Variants in TMEM132D observed in about 807,000 individuals in gnomAD.
TMEM132D encodes the protein mature OL transmembrane protein.
A neutral mutation model predicts 62.3 loss-of-function variants in TMEM132D; 21 were observed. That is an observed-to-expected ratio of 0.34 (90% CI 0.24 to 0.49). The LOEUF is 0.49. TMEM132D is among the 20% of genes least tolerant of loss of function. The pLI, the probability that TMEM132D is intolerant of heterozygous loss-of-function variation, is 0.99. For synonymous variants in TMEM132D, 621 were observed against 575.6 expected, an observed-to-expected ratio of 1.08 and a Z score of -1.13; for missense variants, 1,346 against 1,402.8, an observed-to-expected ratio of 0.96 and a Z score of 0.65.
At chr12:129,698,902 A>C (rs1881300647) in intron 2 of TMEM132D, among the ~76,000 whole-genome samples, 1 of 152,102 alleles carries the variant, frequency 6.6e-6, no homozygotes, top group African/African-American at 2.4e-5. Flanking sequence ...TGAAGTTTAT[A>C]AGCCCACATA....
At chr12:129,671,971 G>A (rs971205090) in intron 2 of TMEM132D, among the ~76,000 whole-genome samples, 1 of 152,190 alleles carries the variant, frequency 6.6e-6, no homozygotes, top group African/African-American at 2.4e-5. Context: ...GGCTTGGGCT[G>A]AGCCTGGCCG....
chr12:129,246,765 CA>C (rs60215528), intron 4 of TMEM132D, among the ~76,000 whole-genome samples: 250 of 148,546 alleles, frequency 1.7e-3, no homozygotes, highest in African/African-American at 4.7e-3. Flanking sequence ...GACTCTATCT[CA>C]AAAAAAAAAA....
chr12:129,224,669 C>T (rs572491707), intron 4 of TMEM132D, among the ~76,000 whole-genome samples: 3 of 152,176 alleles, frequency 2.0e-5, no homozygotes, highest in South Asian at 2.1e-4. Context: ...GCACTTTGGA[C>T]GTCGAGGCAG....
At chr12:129,104,996 G>A (rs1309725196) in intron 5 of TMEM132D, among the ~76,000 whole-genome samples, 1 of 146,556 alleles carries the variant, frequency 6.8e-6, no homozygotes, top group East Asian at 2.0e-4. Flanking sequence ...GATTCCTCAG[G>A]GATCTAGAAC....
At position 129,582,405 on chromosome 12, in the gene TMEM132D, A is replaced by C. The variant is rs188727104; in HGVS notation, c.969-51200T>G. Among the ~76,000 whole-genome samples, 3 of 152,288 alleles carry C rather than the reference A, an allele frequency of 2.0e-5. No individual in the cohort carries two copies. The East Asian group carries it at 5.8e-4, about 29-fold the overall frequency. On this transcript the variant is annotated intron_variant, in intron 2 of 8. Coordinates refer to ENST00000422113, the MANE Select transcript of TMEM132D (RefSeq NM_133448.3). ...ATGGGGTCACAGACCCAGGGTTACA[A>C]GTAACTCTATTGCTCTCAATGCAGA...
chr12:129,381,003 A>C (rs1205788180), intron 3 of TMEM132D, among the ~76,000 whole-genome samples: 1 of 152,220 alleles, frequency 6.6e-6, no homozygotes, highest in Non-Finnish European at 1.5e-5. Context: ...ATAAGGGTGT[A>C]AAGAATGTGA....
At chr12:129,613,297 T>C (rs528985471) in intron 2 of TMEM132D, among the ~76,000 whole-genome samples, 1 of 152,104 alleles carries the variant, frequency 6.6e-6, no homozygotes, top group Non-Finnish European at 1.5e-5. Context: ...TTATAAGAGA[T>C]AAACCCCGAA....
chr12:129,276,176 C>G (rs1377781598), intron 4 of TMEM132D, among the ~76,000 whole-genome samples: 3 of 152,132 alleles, frequency 2.0e-5, no homozygotes, highest in Non-Finnish European at 4.4e-5. Context: ...AAGGATTTGC[C>G]CACTCGGGGA....
At chr12:129,508,175 G>A (rs994694779) in intron 3 of TMEM132D, among the ~76,000 whole-genome samples, 1 of 152,072 alleles carries the variant, frequency 6.6e-6, no homozygotes. Context: ...ACTGTAAAGC[G>A]TTATCAATAT....
At chr12:129,844,640 G>A (rs996750168) in intron 1 of TMEM132D, among the ~76,000 whole-genome samples, 4 of 152,166 alleles carry the variant, frequency 2.6e-5, no homozygotes, top group African/African-American at 7.2e-5. Context: ...GAACGATGCT[G>A]TGCTTGGAGA....
chr12:129,464,098 A>C (rs1873792921), intron 3 of TMEM132D, among the ~76,000 whole-genome samples: 1 of 150,082 alleles, frequency 6.7e-6, no homozygotes, highest in African/African-American at 2.5e-5. Context: ...CCAACAGTGT[A>C]AAAGTGTTCC....
At chr12:129,340,021 T>C (rs1869417737) in intron 3 of TMEM132D, among the ~76,000 whole-genome samples, 1 of 152,006 alleles carries the variant, frequency 6.6e-6, no homozygotes, top group Non-Finnish European at 1.5e-5. Context: ...GTTTTTAGAG[T>C]TTGTTTTATC....
intron 4 of TMEM132D, among the ~76,000 whole-genome samples, chr12:129,260,410 A>G (rs1880521367): frequency 6.6e-6 from 1 of 152,366 alleles, no homozygotes; most frequent in Non-Finnish European, 1.5e-5. Context: ...CAGACTGCAC[A>G]GAGAAGAACA....
At chr12:129,792,165 C>T (rs1357702584) in intron 1 of TMEM132D, among the ~76,000 whole-genome samples, 1 of 152,190 alleles carries the variant, frequency 6.6e-6, no homozygotes, top group Admixed American at 6.5e-5. Flanking sequence ...CAACGATGCT[C>T]TTGCCGGGGC....
At chr12:129,516,504 A>G (rs752610336) in intron 3 of TMEM132D, among the ~76,000 whole-genome samples, 10 of 152,212 alleles carry the variant, frequency 6.6e-5, no homozygotes, top group Non-Finnish European at 1.5e-4. Context: ...AGAGAAAATG[A>G]GAGCTAAGTG....
Position 129,847,977 on chromosome 12 carries a change from G to A in TMEM132D, c.79+55284C>T, listed in dbSNP as rs58783668. 2.3e-3 allele frequency among the ~76,000 whole-genome samples: 356 copies of A among 152,082 alleles called. 4 individuals are homozygous for A. The highest frequency in any genetic ancestry group is 8.2e-3 in the African/African-American group (341 of 41,490). On this transcript the variant is annotated intron_variant, in intron 1 of 8. Coordinates refer to ENST00000422113, the MANE Select transcript of TMEM132D (RefSeq NM_133448.3). Reference sequence around the variant, plus strand: ...GCAGAATGACACAGCTGAGCTCATCGGCTCCAAGAACCTGAAATGGGGGTG... The same window carrying A: ...GCAGAATGACACAGCTGAGCTCATCAGCTCCAAGAACCTGAAATGGGGGTG...
Position 129,082,027 on chromosome 12 carries a change from G to T in TMEM132D, c.1655C>A (p.Ala552Asp), listed in dbSNP as rs371513296. 2.4e-5 allele frequency: 38 copies of T among 1,601,360 alleles called. No homozygotes were observed. In the African/African-American group the frequency reaches 3.2e-4, roughly 14 times the overall value. Reference sequence around the variant, plus strand: ...ATCCTCCTCCTCTTCACTGTCCCCGGCAGGCCTGTGAAAGAAGCAGTGCAG... The same window carrying T: ...ATCCTCCTCCTCTTCACTGTCCCCGTCAGGCCTGTGAAAGAAGCAGTGCAG... ...RVPIVSSRRP[A>D]GDSEEEEDDE... The change falls in exon 7 of 9, where the codon GCC (alanine) becomes GAC (aspartate). Residue 552 changes from alanine to aspartate, a missense_variant. Coordinates refer to ENST00000422113, the MANE Select transcript of TMEM132D (RefSeq NM_133448.3).
At chr12:129,636,275 A>T (rs1199900851) in intron 2 of TMEM132D, among the ~76,000 whole-genome samples, 1 of 152,234 alleles carries the variant, frequency 6.6e-6, no homozygotes, top group African/African-American at 2.4e-5. Flanking sequence ...TTGCAGGGAC[A>T]TTTCAAAATA....
At chr12:129,500,411 C>T (rs765998029) in intron 3 of TMEM132D, among the ~76,000 whole-genome samples, 4 of 151,618 alleles carry the variant, frequency 2.6e-5, no homozygotes, top group Admixed American at 6.6e-5. Flanking sequence ...TGGCTTGAGG[C>T]GCCTCTAGCC....
Sources: gnomAD v4.1 joint callset for allele counts (sites outside exome capture counted in the v4.1 genomes callset) on GRCh38, gnomAD v4.1.1 for gene constraint, MANE v1.5 for transcripts, NCBI Gene and HGNC (gene_info 2026-07-23, HGNC 2026-07-21) for gene names.